Variants in VMA22 observed in about 807,000 individuals in gnomAD.
VMA22 encodes the protein vacuolar ATPase assembly factor VMA22.
At chr2:130,339,934 C>A in the VMA22 span, 2 of 839,066 alleles carry the variant, frequency 2.4e-6, no homozygotes, top group African/African-American at 1.8e-5. Context: ...AGTGGACTCC[C>A]AAATCTCTCT....
At chr2:130,341,797 A>ACGCGGGGC in the VMA22 span, 1 of 1,486,660 alleles carries the variant, frequency 6.7e-7, no homozygotes, top group Non-Finnish European at 9.2e-7. Flanking sequence ...CGGGCCTAGA[A>ACGCGGGGC]CGCGCCCGCC....
chr2:130,341,533 C>T, the VMA22 span: 12 of 736,614 alleles, frequency 1.6e-5, no homozygotes, highest in Admixed American at 6.1e-5. Context: ...GCAAAACCAC[C>T]CTACAAAAAC....
the VMA22 span, chr2:130,342,435 G>A: frequency 8.9e-6 from 5 of 559,830 alleles, no homozygotes; most frequent in African/African-American, 1.9e-5. Context: ...TCGCGCCACT[G>A]TTGTGGCGAT....
the VMA22 span, chr2:130,342,078 C>A: frequency 1.9e-6 from 3 of 1,613,854 alleles, no homozygotes. Context: ...CCCCAAGCAG[C>A]TGCAGGACCA....
chr2:130,339,369 G>A, the VMA22 span: 1 of 1,339,238 alleles, frequency 7.5e-7, no homozygotes, highest in East Asian at 2.5e-5. Flanking sequence ...TCCAGGTACG[G>A]CCCTGCATTG....
chr2:130,342,540 G>C, the VMA22 span: 1 of 459,996 alleles, frequency 2.2e-6, no homozygotes, highest in East Asian at 3.4e-5. Context: ...CCTTCAGTCG[G>C]TGTGCGGTTT....
the VMA22 span, chr2:130,341,574 C>T: frequency 8.9e-7 from 1 of 1,120,408 alleles, no homozygotes; most frequent in South Asian, 1.4e-5. Context: ...GATGCTCTCT[C>T]TTATCGCAAA....
chr2:130,342,267 G>C, the VMA22 span: 2 of 1,511,668 alleles, frequency 1.3e-6, no homozygotes, highest in Non-Finnish European at 1.8e-6. Context: ...AGGCCTCTGG[G>C]TCAGCTTCTT....
At chr2:130,339,135 C>A in the VMA22 span, 4 of 1,613,926 alleles carry the variant, frequency 2.5e-6, no homozygotes, top group Non-Finnish European at 3.4e-6. Flanking sequence ...CAGCCCCAGG[C>A]TCCAGCTGCT....
chr2:130,342,399 T>C, the VMA22 span: 1 of 579,184 alleles, frequency 1.7e-6, no homozygotes, highest in Non-Finnish European at 3.0e-6. Context: ...TTCTGAGTCC[T>C]TCCGGAAGCT....
At chr2:130,341,964 G>A in the VMA22 span, 3 of 1,613,158 alleles carry the variant, frequency 1.9e-6, no homozygotes, top group East Asian at 2.2e-5. Flanking sequence ...GAGGAAAGCG[G>A]TGAGACTCAG....
At chr2:130,339,846 T>G in the VMA22 span, 20 of 1,252,634 alleles carry the variant, frequency 1.6e-5, no homozygotes, top group Non-Finnish European at 2.0e-5. Flanking sequence ...CCCCAGGCCC[T>G]CTGCTGATCT....
the VMA22 span, chr2:130,339,024 T>G: frequency 1.2e-6 from 1 of 856,406 alleles, no homozygotes; most frequent in Non-Finnish European, 1.9e-6. Context: ...TGGCGTGGGG[T>G]AGGGGCAAGA....
At chr2:130,341,799 G>GCGCC in the VMA22 span, 19 of 1,432,214 alleles carry the variant, frequency 1.3e-5, no homozygotes, top group South Asian at 1.7e-4. Context: ...GGCCTAGAAC[G>GCGCC]CGCCCGCCCG....
chr2:130,338,347 C>T, the VMA22 span: 4 of 152,072 alleles, frequency 2.6e-5, no homozygotes, highest in Non-Finnish European at 5.9e-5. Flanking sequence ...AAAAAATAAG[C>T]AAAAAGATAA....
chr2:130,341,334 T>C, the VMA22 span: 35 of 543,944 alleles, frequency 6.4e-5, no homozygotes, highest in African/African-American at 5.3e-4. Flanking sequence ...AGACCAGACA[T>C]AGACGTTCCA....
the VMA22 span, chr2:130,340,778 CG>C: frequency 2.6e-6 from 3 of 1,133,202 alleles, no homozygotes; most frequent in Non-Finnish European, 3.9e-6. Flanking sequence ...GGGTGTACAA[CG>C]GAAGTTTGGA....
the VMA22 span, chr2:130,342,104 C>T: frequency 6.2e-7 from 1 of 1,613,812 alleles, no homozygotes; most frequent in Non-Finnish European, 8.5e-7. Context: ...TCCAGCTCCG[C>T]TCGCAGGTCA....
the VMA22 span, chr2:130,339,103 G>C: frequency 6.3e-7 from 1 of 1,588,418 alleles, no homozygotes; most frequent in Non-Finnish European, 8.6e-7. Context: ...TCGCTGCCCT[G>C]CCTCTTTGCG....
Sources: allele counts gnomAD v4.1 joint callset, GRCh38; gene constraint gnomAD v4.1.1; transcripts MANE v1.5; gene names NCBI Gene and HGNC (gene_info 2026-07-23, HGNC 2026-07-21).